PTPRD: variants seen among roughly 807,000 people sequenced by gnomAD.
PTPRD encodes receptor-type tyrosine-protein phosphatase delta.
PTPRD carries 34 observed loss-of-function variants against 214.5 expected under a neutral mutation model. The ratio of observed to expected loss-of-function variants is 0.16; its 90% CI spans 0.12 to 0.21. The LOEUF (loss-of-function observed/expected upper bound fraction) is 0.21. PTPRD is among the 10% of genes least tolerant of loss of function. The pLI is 1.00. For synonymous variants in PTPRD, 1,128 were observed against 845.7 expected, an observed-to-expected ratio of 1.33 and a Z score of -5.79; for missense variants, 2,545 against 2,398.7, an observed-to-expected ratio of 1.06 and a Z score of -1.27.
At chr9:9,593,730 G>A (rs1236116343) in intron 7 of PTPRD, among the ~76,000 whole-genome samples, 1 of 151,966 alleles carries the variant, frequency 6.6e-6, no homozygotes, top group African/African-American at 2.4e-5. Flanking sequence ...CACAATGAAG[G>A]TCACTGAGGA....
At chr9:8,496,056 A>G (rs959985584) in intron 26 of PTPRD, among the ~76,000 whole-genome samples, 4 of 152,074 alleles carry the variant, frequency 2.6e-5, no homozygotes, top group African/African-American at 9.7e-5. Context: ...GCCTTCATTT[A>G]TATCAAATTG....
chr9:9,507,371 C>G (rs770253498), intron 8 of PTPRD, among the ~76,000 whole-genome samples: 1 of 151,024 alleles, frequency 6.6e-6, no homozygotes, highest in Non-Finnish European at 1.5e-5. Context: ...CTTCTATATA[C>G]TTTCTTGGAT....
intron 8 of PTPRD, among the ~76,000 whole-genome samples, chr9:9,406,365 T>C (rs565939968): frequency 8.6e-5 from 13 of 151,982 alleles, no homozygotes; most frequent in Non-Finnish European, 1.6e-4. Flanking sequence ...TTCTATTCCA[T>C]GAAGTAAATA....
chr9:9,188,485 T>C (rs1012937398), intron 9 of PTPRD, among the ~76,000 whole-genome samples: 1 of 152,116 alleles, frequency 6.6e-6, no homozygotes, highest in East Asian at 1.9e-4. Context: ...CTGCAATATA[T>C]GAGTGTTTCT....
intron 6 of PTPRD, among the ~76,000 whole-genome samples, chr9:9,741,669 T>C (rs1051109697): frequency 6.6e-6 from 1 of 152,206 alleles, no homozygotes; most frequent in East Asian, 1.9e-4. Flanking sequence ...TGTATTCTCA[T>C]TGTTCAGTTC....
chr9:9,817,118 G>C (rs75679150), intron 5 of PTPRD, among the ~76,000 whole-genome samples: 3,787 of 152,084 alleles, frequency 0.025, 59 homozygotes, highest in Middle Eastern at 0.054. Flanking sequence ...TTGCCTGAAG[G>C]CTGGCTCAAA....
At position 10,588,504 on chromosome 9, in the gene PTPRD, C is replaced by G. The variant is rs532062281; in HGVS notation, c.-600+23894G>C. Among the ~76,000 whole-genome samples the G allele has an allele frequency of 6.9e-4, 104 of 150,892 alleles. 1 individual carries two copies. The highest frequency in any genetic ancestry group is 2.5e-3 in the African/African-American group (102 of 41,180). On this transcript the variant is annotated intron_variant, in intron 2 of 45. Coordinates refer to ENST00000381196, the MANE Select transcript of PTPRD (RefSeq NM_002839.4). Reference sequence around the variant, plus strand: ...AACCAGAAATAAATATTAATCTAAGCTATCCAAATAAATGGCCCAGCCATG... The same window carrying G: ...AACCAGAAATAAATATTAATCTAAGGTATCCAAATAAATGGCCCAGCCATG...
At chr9:8,935,596 C>T (rs999526509) in intron 11 of PTPRD, among the ~76,000 whole-genome samples, 2 of 152,142 alleles carry the variant, frequency 1.3e-5, no homozygotes, top group South Asian at 4.1e-4. Context: ...ATGAATGCTT[C>T]ATTCACATAA....
intron 43 of PTPRD, among the ~76,000 whole-genome samples, chr9:8,337,761 A>T (rs376261255): frequency 6.6e-6 from 1 of 151,972 alleles, no homozygotes; most frequent in East Asian, 1.9e-4. Flanking sequence ...TGTCTCTGCC[A>T]TTGGTGGGGC....
chr9:9,017,086 G>C (rs2099538862), intron 11 of PTPRD, among the ~76,000 whole-genome samples: 1 of 151,922 alleles, frequency 6.6e-6, no homozygotes, highest in Admixed American at 6.6e-5. Flanking sequence ...TTTTCTCCAA[G>C]ACACTGCGAC....
intron 5 of PTPRD, among the ~76,000 whole-genome samples, chr9:9,832,595 G>C (rs562358128): frequency 2.0e-5 from 3 of 152,062 alleles, no homozygotes; most frequent in African/African-American, 7.2e-5. Context: ...GGTAATTTAG[G>C]TTTGGGGGTC....
rs1047316014 is a variant in PTPRD at position 9,844,109 on chromosome 9, T to G, written c.-367-77258A>C. ...TGTTAATAAAATCCTATATTCTTAA[T>G]GAAAGTAGCAATTGATTTTTTTCAT... On this transcript the variant is annotated intron_variant, in intron 5 of 45. Coordinates refer to ENST00000381196, the MANE Select transcript of PTPRD (RefSeq NM_002839.4). Among the ~76,000 whole-genome samples the G allele has an allele frequency of 2.8e-4, 42 of 152,074 alleles. 1 individual carries two copies. Among genetic ancestry groups the G allele is most frequent in the African/African-American group, 7.5e-4 (31 of 41,470 alleles).
intron 5 of PTPRD, among the ~76,000 whole-genome samples, chr9:9,792,134 C>T (rs2098972247): frequency 6.6e-6 from 1 of 151,562 alleles, no homozygotes; most frequent in African/African-American, 2.4e-5. Flanking sequence ...AAAAAAATCA[C>T]ATTACTCTTT....
chr9:8,395,109 T>C (rs995471801), intron 36 of PTPRD, among the ~76,000 whole-genome samples: 8 of 152,164 alleles, frequency 5.3e-5, no homozygotes, highest in African/African-American at 1.7e-4. Flanking sequence ...CTTTAAGTTC[T>C]ATAAATCCCT....
At chr9:9,516,992 T>C (rs1268865205) in intron 8 of PTPRD, among the ~76,000 whole-genome samples, 2 of 152,018 alleles carry the variant, frequency 1.3e-5, no homozygotes, top group African/African-American at 2.4e-5. Context: ...ACAAATGATA[T>C]AAACATAATA....
At position 10,039,395 on chromosome 9, in the gene PTPRD, C is replaced by A. The variant is rs78445100; in HGVS notation, c.-544-5605G>T. Among the ~76,000 whole-genome samples, 995 of 152,036 alleles carry A rather than the reference C, an allele frequency of 6.5e-3. 10 individuals are homozygous for A. Among genetic ancestry groups the A allele is most frequent in the African/African-American group, 0.022 (909 of 41,510 alleles). Reference sequence around the variant, plus strand: ...AAAATAAAGTTTTGAGGAAAAAGGACCTATATGAGTTTTCTCGACCAAAAT... The same window carrying A: ...AAAATAAAGTTTTGAGGAAAAAGGAACTATATGAGTTTTCTCGACCAAAAT... On this transcript the variant is annotated intron_variant, in intron 3 of 45. Coordinates refer to ENST00000381196, the MANE Select transcript of PTPRD (RefSeq NM_002839.4).
intron 8 of PTPRD, among the ~76,000 whole-genome samples, chr9:9,534,112 T>G (rs2076047818): frequency 6.6e-6 from 1 of 152,046 alleles, no homozygotes; most frequent in South Asian, 2.1e-4. Context: ...GAGAGTGCTC[T>G]TATAAGTTGC....
At chr9:10,316,624 G>A (rs1352539104) in intron 3 of PTPRD, among the ~76,000 whole-genome samples, 1 of 151,906 alleles carries the variant, frequency 6.6e-6, no homozygotes, top group Non-Finnish European at 1.5e-5. Flanking sequence ...CAGCTTTATA[G>A]TGAATCAACA....
chr9:10,404,019 A>G (rs6474541), intron 2 of PTPRD, among the ~76,000 whole-genome samples: 130,474 of 151,636 alleles, frequency 0.86, 56,124 homozygotes, highest in East Asian at 0.88. Flanking sequence ...GTGATGTATC[A>G]TGTAGTAATG....
Sources: gnomAD v4.1 joint callset for allele counts (sites outside exome capture counted in the v4.1 genomes callset) on GRCh38, gnomAD v4.1.1 for gene constraint, MANE v1.5 for transcripts, NCBI Gene and HGNC (gene_info 2026-07-23, HGNC 2026-07-21) for gene names.